The following CDH4 variants were observed in gnomAD, a reference collection of about 807,000 sequenced individuals.
The protein encoded by CDH4 is cadherin 4.
CDH4 carries 33 observed loss-of-function variants against 86.0 expected under a neutral mutation model. The observed-to-expected ratio is 0.38, with a 90% confidence interval of 0.29 to 0.51. The LOEUF is 0.51. Among genes scored for constraint, CDH4 ranks in the 20% least tolerant of loss-of-function variants. The pLI is 0.86. For synonymous variants in CDH4, 555 were observed against 549.4 expected (o/e 1.01, Z -0.14); for missense variants, 1,114 against 1,307.4 (o/e 0.85, Z 2.28).
chr20:61,348,116 C>T (rs2084690148), intron 2 of CDH4, among the ~76,000 whole-genome samples: 1 of 152,128 alleles, frequency 6.6e-6, no homozygotes, highest in Admixed American at 6.5e-5. Flanking sequence ...TCTGTTCTTA[C>T]ACTGCTAATA....
At chr20:61,757,036 GACA>G (rs1285300331) in intron 3 of CDH4, among the ~76,000 whole-genome samples, 1 of 152,202 alleles carries the variant, frequency 6.6e-6, no homozygotes, top group Non-Finnish European at 1.5e-5. Context: ...CAAACTTGTA[GACA>G]ACGTGTCCAC....
chr20:61,597,666 C>T (rs1035387931), intron 2 of CDH4, among the ~76,000 whole-genome samples: 6 of 152,202 alleles, frequency 3.9e-5, no homozygotes, highest in Non-Finnish European at 8.8e-5. Flanking sequence ...ACAGGCAGGG[C>T]CTCCTTGGGT....
chr20:61,574,799 G>A (rs1200987008), intron 2 of CDH4, among the ~76,000 whole-genome samples: 1 of 152,106 alleles, frequency 6.6e-6, no homozygotes, highest in Non-Finnish European at 1.5e-5. Context: ...TAAAGCTTTG[G>A]ACCAAGTCCA....
intron 2 of CDH4, among the ~76,000 whole-genome samples, chr20:61,489,107 C>T (rs1182473454): frequency 6.6e-6 from 1 of 152,184 alleles, no homozygotes; most frequent in Non-Finnish European, 1.5e-5. Context: ...GTCTGGGCAA[C>T]CCCATCTCCT....
At chr20:61,928,112 G>T (rs2055064672) in intron 11 of CDH4, 78 bp from the exon 12 acceptor site, 15 of 1,097,770 alleles carry the variant, frequency 1.4e-5, no homozygotes, top group Non-Finnish European at 2.1e-5. Context: ...TTGTTTGTGT[G>T]CGTGTCCTGT....
At position 61,623,450 on chromosome 20, in the gene CDH4, A is replaced by G. The variant is rs1252430860; in HGVS notation, c.170-120113A>G. On this transcript the variant is annotated intron_variant, in intron 2 of 15. Transcript: ENST00000614565. This position sits in a 1 kb window ranked among gnomAD's most constrained non-coding sequence, Gnocchi z 4.4. ...ATTTCACATTGTCTTCTTTATATAG[A>G]TTACACCTTCCAAAGCCTTCAGAAA... Among the ~76,000 whole-genome samples, 1 of 152,158 alleles carries G rather than the reference A, an allele frequency of 6.6e-6. No homozygotes were observed. Among genetic ancestry groups the G allele is most frequent in the African/African-American group, 2.4e-5 (1 of 41,444 alleles).
intron 4 of CDH4, among the ~76,000 whole-genome samples, chr20:61,812,925 C>T (rs1980513632): frequency 6.6e-6 from 1 of 152,140 alleles, no homozygotes; most frequent in African/African-American, 2.4e-5. Context: ...ACACACAAGC[C>T]CTAACATGAT....
At chr20:61,806,530 T>TGCACACACATGTCCACGCGCAC (rs895501375) in intron 4 of CDH4, among the ~76,000 whole-genome samples, 5 of 151,734 alleles carry the variant, frequency 3.3e-5, no homozygotes, top group East Asian at 2.0e-4. Flanking sequence ...GGAACACGTG[T>TGCACACACATGTCCACGCGCAC]GCACACACAT....
intron 2 of CDH4, among the ~76,000 whole-genome samples, chr20:61,534,875 C>T (rs1232237193): frequency 5.6e-5 from 7 of 124,176 alleles, no homozygotes; most frequent in African/African-American, 2.1e-4. Flanking sequence ...GAGATGCCTG[C>T]TCATCCTCAA....
Position 61,704,843 on chromosome 20 carries a change from C to T in CDH4, c.170-38720C>T, listed in dbSNP as rs552876795. Among the ~76,000 whole-genome samples, 122 of 152,268 alleles carry T rather than the reference C, an allele frequency of 8.0e-4. 1 individual carries two copies. The Middle Eastern group carries it at 0.014, about 17-fold the overall frequency. Reference sequence around the variant, plus strand: ...CACTCAGGAGATGCCAGTAGCACCACCCCCAGCTGTGACTACAGGAATGTC... The same window carrying T: ...CACTCAGGAGATGCCAGTAGCACCATCCCCAGCTGTGACTACAGGAATGTC... On this transcript the variant is annotated intron_variant, in intron 2 of 15. Transcript: ENST00000614565.
chr20:61,899,441 T>C (rs1985281931), intron 8 of CDH4, among the ~76,000 whole-genome samples: 1 of 152,230 alleles, frequency 6.6e-6, no homozygotes, highest in Non-Finnish European at 1.5e-5. Flanking sequence ...ATTTTTTTCT[T>C]TTTTGAGACA....
chr20:61,879,168 C>T lies in CDH4; in HGVS notation c.1050+5268C>T, dbSNP rs1984172097. 6.6e-6 allele frequency among the ~76,000 whole-genome samples: 1 copy of T among 152,196 alleles called. No individual in the cohort carries two copies. Among genetic ancestry groups the T allele is most frequent in the Admixed American group, 6.5e-5 (1 of 15,282 alleles). On this transcript the variant is annotated intron_variant, in intron 7 of 15. Transcript: ENST00000614565. The surrounding 1 kb of genome is among the most constrained non-coding windows in gnomAD (Gnocchi z 4.1). ...CCAAGCGAGCACCAGTTCAGCTCCC[C>T]CGGGACCCGGCCTTCACCCAGCAGA...
intron 2 of CDH4, among the ~76,000 whole-genome samples, chr20:61,545,961 CGT>C (rs149485653): frequency 0.47 from 22,366 of 47,978 alleles, 4,849 homozygotes; most frequent in African/African-American, 0.62. Flanking sequence ...GGTGTGTGTT[CGT>C]GTGTGTGTGT....
chr20:61,662,100 T>C (rs1470940723), intron 2 of CDH4, among the ~76,000 whole-genome samples: 1 of 152,154 alleles, frequency 6.6e-6, no homozygotes, highest in Non-Finnish European at 1.5e-5. Context: ...GAAGCAGCCT[T>C]CCATCCCCCA....
At chr20:61,748,327 T>C (rs1271230620) in intron 3 of CDH4, among the ~76,000 whole-genome samples, 1 of 152,198 alleles carries the variant, frequency 6.6e-6, no homozygotes, top group African/African-American at 2.4e-5. Flanking sequence ...GAGATGGGGT[T>C]TCACCGTGTT....
At chr20:61,583,089 G>A (rs542142341) in intron 2 of CDH4, among the ~76,000 whole-genome samples, 1 of 150,196 alleles carries the variant, frequency 6.7e-6, no homozygotes, top group Non-Finnish European at 1.5e-5. Context: ...AGGTCAGAGG[G>A]GAGGTGAAGA....
intron 2 of CDH4, among the ~76,000 whole-genome samples, chr20:61,564,506 C>T (rs980120282): frequency 4.6e-5 from 7 of 152,054 alleles, no homozygotes; most frequent in African/African-American, 1.7e-4. Flanking sequence ...TGTGGCACCT[C>T]CCCCTCCCTC....
chr20:61,287,791 C>A (rs1242726438), intron 2 of CDH4, among the ~76,000 whole-genome samples: 1 of 152,178 alleles, frequency 6.6e-6, no homozygotes. Flanking sequence ...GCGTGAGTCC[C>A]GCACAGGAAG....
At chr20:61,497,355 G>A (rs1448094303) in intron 2 of CDH4, among the ~76,000 whole-genome samples, 3 of 152,036 alleles carry the variant, frequency 2.0e-5, no homozygotes, top group Non-Finnish European at 4.4e-5. Flanking sequence ...TGTTAATTTA[G>A]CTATAGGATT....
Sources: gnomAD v4.1 joint callset for allele counts (sites outside exome capture counted in the v4.1 genomes callset) on GRCh38, gnomAD v4.1.1 for gene constraint, Gnocchi (gnomAD v3.1) non-coding constraint, MANE v1.5 for transcripts, NCBI Gene and HGNC (gene_info 2026-07-23, HGNC 2026-07-21) for gene names.